The following SLIT3 variants were observed in gnomAD, a reference collection of about 807,000 sequenced individuals.
The protein encoded by SLIT3 is slit guidance ligand 3, also known as slit homolog 3 protein.
In SLIT3, 68 loss-of-function variants were observed where a neutral mutation model predicts 184.0. That is an observed-to-expected ratio of 0.37 (90% confidence interval 0.30 to 0.45). SLIT3 has a LOEUF of 0.45. Ranked by LOEUF, SLIT3 falls within the 20% of genes least tolerant of loss-of-function variation. The pLI, the probability that SLIT3 is intolerant of heterozygous loss-of-function variation, is 1.00. For missense variants in SLIT3, 1,707 were observed against 2,026.0 expected (o/e 0.84, Z 3.02); for synonymous variants, 831 against 828.6 (o/e 1.00, Z -0.05).
At chr5:168,936,816 A>G (rs1762172962) in intron 4 of SLIT3, among the ~76,000 whole-genome samples, 1 of 151,918 alleles carries the variant, frequency 6.6e-6, no homozygotes. Context: ...ACCAATATAT[A>G]CTTATTGAGC....
intron 4 of SLIT3, among the ~76,000 whole-genome samples, chr5:169,004,148 G>A (rs557279261): frequency 1.4e-3 from 210 of 151,768 alleles, no homozygotes; most frequent in Non-Finnish European, 2.4e-3. Flanking sequence ...AGAAGCCCAC[G>A]ACTGTTTTGG....
At chr5:168,769,226 GT>G (rs1273014338) in intron 14 of SLIT3, among the ~76,000 whole-genome samples, 2 of 152,164 alleles carry the variant, frequency 1.3e-5, no homozygotes, top group African/African-American at 2.4e-5. Context: ...AGGGTACCCA[GT>G]TTTTATATTC....
intron 4 of SLIT3, among the ~76,000 whole-genome samples, chr5:169,133,426 C>T (rs1224336258): frequency 6.6e-6 from 1 of 152,220 alleles, no homozygotes; most frequent in African/African-American, 2.4e-5. Flanking sequence ...TGAGCTGTGT[C>T]ATCTATGCAT....
At chr5:168,934,629 A>G (rs1256321794) in intron 4 of SLIT3, among the ~76,000 whole-genome samples, 1 of 152,176 alleles carries the variant, frequency 6.6e-6, no homozygotes, top group Non-Finnish European at 1.5e-5. Context: ...TGCAAGTTCA[A>G]TCCCCAAAGA....
At chr5:168,864,689 T>C (rs1759236173) in intron 5 of SLIT3, among the ~76,000 whole-genome samples, 1 of 152,156 alleles carries the variant, frequency 6.6e-6, no homozygotes, top group South Asian at 2.1e-4. Context: ...TCTAATCACA[T>C]CTAAATTTCA....
At chr5:169,011,079 C>T (rs1033156700) in intron 4 of SLIT3, among the ~76,000 whole-genome samples, 3 of 152,086 alleles carry the variant, frequency 2.0e-5, no homozygotes, top group Non-Finnish European at 4.4e-5. Flanking sequence ...ACTGAAGACT[C>T]TAAGTCTATA....
intron 3 of SLIT3, among the ~76,000 whole-genome samples, chr5:169,222,631 G>A (rs1362789568): frequency 7.2e-5 from 11 of 152,188 alleles, no homozygotes; most frequent in Admixed American, 7.2e-4. Flanking sequence ...TCAAGTAGAA[G>A]GGTCTAAGAA....
At chr5:168,953,189 T>G (rs1762718512) in intron 4 of SLIT3, among the ~76,000 whole-genome samples, 1 of 152,210 alleles carries the variant, frequency 6.6e-6, no homozygotes, top group South Asian at 2.1e-4. Flanking sequence ...AGTTTGGTCA[T>G]GGAGAGAGAT....
intron 4 of SLIT3, among the ~76,000 whole-genome samples, chr5:169,157,045 A>C (rs1253155097): frequency 6.6e-6 from 1 of 151,902 alleles, no homozygotes; most frequent in African/African-American, 2.4e-5. Context: ...GGCCCCCCCC[A>C]CCTCCACCAG....
At chr5:169,044,596 G>GT (rs1561628164) in intron 4 of SLIT3, among the ~76,000 whole-genome samples, 1 of 148,662 alleles carries the variant, frequency 6.7e-6, no homozygotes, top group Admixed American at 6.7e-5. Flanking sequence ...GTGGGGGGGG[G>GT]GATGGGGAGA....
At chr5:168,674,017 TA>T (rs2113184769) in intron 32 of SLIT3, among the ~76,000 whole-genome samples, 1 of 152,320 alleles carries the variant, frequency 6.6e-6, no homozygotes, top group Admixed American at 6.5e-5. Flanking sequence ...AGCATTGTTC[TA>T]AAAAATAGTT....
intron 4 of SLIT3, among the ~76,000 whole-genome samples, chr5:169,141,311 T>G (rs1338372325): frequency 1.3e-5 from 2 of 152,192 alleles, no homozygotes; most frequent in Non-Finnish European, 2.9e-5. Flanking sequence ...GCAACAAAGC[T>G]GATTTTAGGA....
chr5:169,020,383 C>T (rs1211796431), intron 4 of SLIT3, among the ~76,000 whole-genome samples: 1 of 152,118 alleles, frequency 6.6e-6, no homozygotes, highest in African/African-American at 2.4e-5. Context: ...TGATCCCCCA[C>T]GATGTTGACA....
At chr5:169,085,436 A>G (rs1239824638) in intron 4 of SLIT3, among the ~76,000 whole-genome samples, 1 of 152,158 alleles carries the variant, frequency 6.6e-6, no homozygotes, top group Non-Finnish European at 1.5e-5. Flanking sequence ...AAATCGCTTC[A>G]ACTAACACAG....
intron 1 of SLIT3, among the ~76,000 whole-genome samples, chr5:169,264,743 G>A (rs1349460116): frequency 1.3e-5 from 2 of 152,170 alleles, no homozygotes; most frequent in Non-Finnish European, 2.9e-5. Flanking sequence ...TCACACCACA[G>A]GAGGCATTAT....
chr5:169,030,267 C>T (rs1450848268), intron 4 of SLIT3: 1 of 152,228 alleles, frequency 6.6e-6, no homozygotes, highest in African/African-American at 2.4e-5. Flanking sequence ...TGCTAAGTCA[C>T]TTCACTGTTT....
intron 1 of SLIT3, among the ~76,000 whole-genome samples, chr5:169,266,566 G>A (rs1766403766): frequency 5.3e-5 from 8 of 152,182 alleles, no homozygotes; most frequent in Admixed American, 5.2e-4. Flanking sequence ...AGCAGCCTGG[G>A]TTCCTAAGTG....
intron 4 of SLIT3, among the ~76,000 whole-genome samples, chr5:168,975,312 TC>T (rs1754711690): frequency 6.6e-6 from 1 of 152,290 alleles, no homozygotes; most frequent in East Asian, 1.9e-4. Context: ...CCTAGTGAAC[TC>T]TGCTTCTGAA....
intron 4 of SLIT3, among the ~76,000 whole-genome samples, chr5:169,133,247 G>T (rs969300988): frequency 6.6e-6 from 1 of 152,102 alleles, no homozygotes; most frequent in African/African-American, 2.4e-5. Context: ...CTGTGGGCAC[G>T]GCCCAGGCAC....
Sources: gnomAD v4.1 joint callset for allele counts (sites outside exome capture counted in the v4.1 genomes callset) on GRCh38, gnomAD v4.1.1 for gene constraint, MANE v1.5 for transcripts, NCBI Gene and HGNC (gene_info 2026-07-23, HGNC 2026-07-21) for gene names.